Variants in ACTR3C observed in about 807,000 individuals in gnomAD.
ACTR3C encodes actin related protein 3C.
Under a neutral mutation model 26.3 loss-of-function variants are expected in ACTR3C, and 18 were observed. That is an observed-to-expected ratio of 0.68 (90% CI 0.47 to 1.01). The LOEUF is 1.01. ACTR3C is among the 50% of genes least tolerant of loss of function. ACTR3C has a pLI of 0.00. For synonymous variants in ACTR3C, 55 were observed against 94.5 expected (o/e 0.58, Z 2.42); for missense variants, 184 against 250.7 (o/e 0.73, Z 1.80).
At chr7:150,133,386 C>G in the ACTR3C span, among the ~76,000 whole-genome samples, 6 of 152,158 alleles carry the variant, frequency 3.9e-5, no homozygotes, top group Admixed American at 3.3e-4. Context: ...AGCTGCTGTC[C>G]TGTCAGGCTG....
At chr7:150,232,753 G>A in the ACTR3C span, among the ~76,000 whole-genome samples, 1 of 149,082 alleles carries the variant, frequency 6.7e-6, no homozygotes, top group African/African-American at 2.6e-5. Flanking sequence ...AACCCAGGAG[G>A]AGGAGCTTGC....
the ACTR3C span, among the ~76,000 whole-genome samples, chr7:150,035,356 C>A: frequency 1.7e-5 from 1 of 57,574 alleles, no homozygotes; most frequent in Non-Finnish European, 4.3e-5. Flanking sequence ...TCTCAGTCCC[C>A]ACCCTCGCGG....
At chr7:150,147,399 A>T in the ACTR3C span, among the ~76,000 whole-genome samples, 1 of 152,200 alleles carries the variant, frequency 6.6e-6, no homozygotes, top group African/African-American at 2.4e-5. Context: ...AGCTGCAGAA[A>T]TATTCCTGAA....
the ACTR3C span, among the ~76,000 whole-genome samples, chr7:150,140,102 TG>T: frequency 6.6e-6 from 1 of 152,054 alleles, no homozygotes; most frequent in Non-Finnish European, 1.5e-5. Flanking sequence ...TGAGCTGGGC[TG>T]GGGTCCAACA....
At chr7:149,900,294 G>A in the ACTR3C span, among the ~76,000 whole-genome samples, 1 of 152,018 alleles carries the variant, frequency 6.6e-6, no homozygotes, top group Non-Finnish European at 1.5e-5. Context: ...TCCTGCCTCA[G>A]CCTCCCGAAA....
At chr7:150,042,330 C>T in the ACTR3C span, among the ~76,000 whole-genome samples, 2 of 108,086 alleles carry the variant, frequency 1.9e-5, no homozygotes, top group Non-Finnish European at 3.9e-5. Flanking sequence ...GCTCTCAGTC[C>T]CTGCCTCGCG....
chr7:150,029,411 A>AC, the ACTR3C span, among the ~76,000 whole-genome samples: 231 of 99,724 alleles, frequency 2.3e-3, 2 homozygotes, highest in South Asian at 4.9e-3. Context: ...AACAAAAAAA[A>AC]AAAAAACAAA....
rs1170542551 is a variant in ACTR3C, at chr7:150,274,162, C to T, written c.564+10591G>A. 1.3e-5 allele frequency among the ~76,000 whole-genome samples: 2 copies of T among 151,966 alleles called. No individual in the cohort carries two copies. The highest frequency in any genetic ancestry group is 2.4e-5 in the African/African-American group (1 of 41,322). On this transcript the variant is annotated intron_variant, in intron 6 of 7. Coordinates refer to ENST00000683684, the MANE Select transcript of ACTR3C (RefSeq NM_001164458.2). This position sits in a 1 kb window ranked among gnomAD's most constrained non-coding sequence, Gnocchi z 4.1. ...CTGGGCAAAATGACGTGGGAAAAAG[C>T]GCCGAGGTGCAGTCTAGAGCAGGGT...
the ACTR3C span, among the ~76,000 whole-genome samples, chr7:150,159,369 C>T: frequency 2.6e-5 from 4 of 152,132 alleles, 1 homozygote; most frequent in South Asian, 8.3e-4. Context: ...CCCACAGCTT[C>T]CAGGTAGAGG....
chr7:150,291,946 G>C (rs528802605), intron 3 of ACTR3C, among the ~76,000 whole-genome samples: 1 of 151,566 alleles, frequency 6.6e-6, no homozygotes, highest in South Asian at 2.1e-4. Flanking sequence ...TACAAGGTAT[G>C]GGGGCGGGAG....
At chr7:150,139,994 GCACA>G in the ACTR3C span, among the ~76,000 whole-genome samples, 3 of 151,558 alleles carry the variant, frequency 2.0e-5, no homozygotes, top group Admixed American at 1.3e-4. Context: ...ACATACGCAT[GCACA>G]CACATTCACA....
At chr7:150,148,931 G>C in the ACTR3C span, among the ~76,000 whole-genome samples, 1 of 151,394 alleles carries the variant, frequency 6.6e-6, no homozygotes, top group Non-Finnish European at 1.5e-5. Context: ...ATTTCCAGGG[G>C]TTAATCCAGC....
At chr7:150,227,667 A>T in the ACTR3C span, among the ~76,000 whole-genome samples, 9,190 of 140,138 alleles carry the variant, frequency 0.066, 432 homozygotes, top group East Asian at 0.15. Flanking sequence ...TTTTCATGAA[A>T]GGTATAAGGT....
chr7:150,007,611 C>T, the ACTR3C span, among the ~76,000 whole-genome samples: 6 of 152,286 alleles, frequency 3.9e-5, no homozygotes, highest in African/African-American at 1.4e-4. Context: ...TTGCATTTCA[C>T]GTCGATTTCA....
chr7:150,150,203 C>T, the ACTR3C span, among the ~76,000 whole-genome samples: 1 of 152,160 alleles, frequency 6.6e-6, no homozygotes, highest in Non-Finnish European at 1.5e-5. Context: ...GATTGATTTT[C>T]CATGCCCTGG....
chr7:150,235,619 C>A, the ACTR3C span, among the ~76,000 whole-genome samples: 1 of 152,148 alleles, frequency 6.6e-6, no homozygotes, highest in Non-Finnish European at 1.5e-5. Flanking sequence ...TTGAATATGA[C>A]TTAGGATTTA....
At chr7:150,026,316 T>A in the ACTR3C span, among the ~76,000 whole-genome samples, 5 of 152,160 alleles carry the variant, frequency 3.3e-5, no homozygotes, top group South Asian at 1.0e-3. Flanking sequence ...ATAGCATGCA[T>A]GCACATACAT....
At chr7:150,288,327 A>G (rs1835944973) in intron 4 of ACTR3C, among the ~76,000 whole-genome samples, 1 of 149,352 alleles carries the variant, frequency 6.7e-6, no homozygotes, top group Non-Finnish European at 1.5e-5. Context: ...AGTGTTGCTC[A>G]GCAATCCTGG....
chr7:149,977,649 G>A, the ACTR3C span, among the ~76,000 whole-genome samples: 3 of 152,152 alleles, frequency 2.0e-5, no homozygotes, highest in Non-Finnish European at 2.9e-5. Context: ...TGGCTTCACT[G>A]TGGCCAGCTC....
Sources: gnomAD v4.1 joint callset for allele counts (sites outside exome capture counted in the v4.1 genomes callset) on GRCh38, gnomAD v4.1.1 for gene constraint, Gnocchi (gnomAD v3.1) non-coding constraint, MANE v1.5 for transcripts, NCBI Gene and HGNC (gene_info 2026-07-23, HGNC 2026-07-21) for gene names.